Variants in NOL4L observed in about 807,000 individuals in gnomAD.
NOL4L encodes the protein nucleolar protein 4-like.
In NOL4L, 7 loss-of-function variants were observed where a neutral mutation model predicts 64.5. The observed-to-expected ratio is 0.11, with a 90% CI of 0.06 to 0.20. NOL4L has a LOEUF of 0.20. Ranked by LOEUF, NOL4L falls within the 10% of genes least tolerant of loss-of-function variation. NOL4L has a pLI of 1.00. For missense variants in NOL4L, 680 were observed against 967.1 expected, an observed-to-expected ratio of 0.70 and a Z score of 3.94; for synonymous variants, 413 against 401.0, an observed-to-expected ratio of 1.03 and a Z score of -0.36.
Position 32,447,075 on chromosome 20 carries a change from A to G in NOL4L, c.*521T>C, listed in dbSNP as rs528160943. 2 of 384,274 alleles carry G rather than the reference A, an allele frequency of 5.2e-6. No individual in the cohort carries two copies. The highest frequency in any genetic ancestry group is 4.2e-5 in the African/African-American group (2 of 47,354). The allele number at this position is 384,274 out of a possible 1,614,324, so 23.8% of individuals were successfully genotyped here. On this transcript the variant is annotated 3_prime_UTR_variant, in exon 11 of 11. Transcript: ENST00000621426. Reference sequence around the variant, plus strand: ...AGCCCACATCAGTGTAGTGATATGGAATGTTAGGTATGGGGATACATCCTT... The same window carrying G: ...AGCCCACATCAGTGTAGTGATATGGGATGTTAGGTATGGGGATACATCCTT...
chr20:32,562,576 C>T (rs1373215558), intron 1 of NOL4L, among the ~76,000 whole-genome samples: 1 of 152,100 alleles, frequency 6.6e-6, no homozygotes, highest in Non-Finnish European at 1.5e-5. Flanking sequence ...TCTCCCCAGC[C>T]CAGACTCCAG....
intron 4 of NOL4L, among the ~76,000 whole-genome samples, chr20:32,479,692 G>A (rs1263756220): frequency 6.6e-6 from 1 of 152,178 alleles, no homozygotes; most frequent in African/African-American, 2.4e-5. Flanking sequence ...CCTGAAGCCC[G>A]TGGCCTTGCC....
rs151218479 is a variant in NOL4L, at chr20:32,566,669, G to T, written c.321+17901C>A. On this transcript the variant is annotated intron_variant, in intron 1 of 10. Transcript: ENST00000621426. The stretch of plus-strand genomic sequence containing the variant: ...CAATTCCCGTATAATTTGCTCCTAC[G>T]GGGCTCTGCTCAAAATGTCACATTT... 1.5e-4 allele frequency among the ~76,000 whole-genome samples: 23 copies of T among 152,168 alleles called. No homozygotes were observed. The East Asian group carries it at 4.4e-3, about 29-fold the overall frequency.
chr20:32,560,553 G>A (rs1314833921), intron 1 of NOL4L, among the ~76,000 whole-genome samples: 2 of 152,256 alleles, frequency 1.3e-5, no homozygotes, highest in Middle Eastern at 6.3e-3. Context: ...CATTTAATAT[G>A]TGGCAGGCAC....
chr20:32,527,961 G>A (rs2018195442), intron 1 of NOL4L, 48 bp from the exon 2 acceptor site: 2 of 1,502,124 alleles, frequency 1.3e-6, no homozygotes. Flanking sequence ...TGATGGCGGG[G>A]TGAGAACTGG....
intron 1 of NOL4L, among the ~76,000 whole-genome samples, chr20:32,561,666 G>T (rs367650574): frequency 1.8e-4 from 27 of 152,276 alleles, no homozygotes; most frequent in East Asian, 1.2e-3. Context: ...GAGTGTGGAG[G>T]AGCAACAGTG....
chr20:32,483,181 G>A (rs2145498921), intron 4 of NOL4L, among the ~76,000 whole-genome samples: 1 of 128,588 alleles, frequency 7.8e-6, no homozygotes, highest in East Asian at 2.3e-4. Flanking sequence ...CCGCTCCCCC[G>A]CGCCCCCTCC....
chr20:32,535,573 C>T (rs1328976075), intron 1 of NOL4L: 1 of 985,544 alleles, frequency 1.0e-6, no homozygotes, highest in Admixed American at 6.1e-5. Context: ...TTCGCTGAAC[C>T]TCCATCTTCT....
At chr20:32,506,710 C>T (rs1296959318) in intron 4 of NOL4L, among the ~76,000 whole-genome samples, 1 of 152,186 alleles carries the variant, frequency 6.6e-6, no homozygotes, top group Non-Finnish European at 1.5e-5. Context: ...CTGGCACTAG[C>T]CCCTTCTGTT....
chr20:32,506,396 TCA>T (rs954955671), intron 4 of NOL4L, among the ~76,000 whole-genome samples: 1 of 152,004 alleles, frequency 6.6e-6, no homozygotes, highest in African/African-American at 2.4e-5. Flanking sequence ...GCACGGTGGC[TCA>T]CACTTGTAAT....
At chr20:32,562,503 G>T (rs1472559758) in intron 1 of NOL4L, among the ~76,000 whole-genome samples, 1 of 152,042 alleles carries the variant, frequency 6.6e-6, no homozygotes, top group Admixed American at 6.5e-5. Flanking sequence ...CTCTACCTGG[G>T]ACACCCACCC....
intron 4 of NOL4L, among the ~76,000 whole-genome samples, chr20:32,478,273 A>ACT (rs11469154): frequency 3.3e-4 from 48 of 143,426 alleles, no homozygotes; most frequent in Non-Finnish European, 4.9e-4. Flanking sequence ...ACACACACAC[A>ACT]CTCTCTCTCT....
chr20:32,502,047 A>C (rs2016942726), intron 4 of NOL4L, among the ~76,000 whole-genome samples: 2 of 152,232 alleles, frequency 1.3e-5, no homozygotes, highest in South Asian at 4.1e-4. Flanking sequence ...GAGGAAGGAG[A>C]AATAATAAGT....
intron 3 of NOL4L, 124 bp from the exon 4 acceptor site, chr20:32,511,580 T>C: frequency 1.6e-6 from 1 of 609,050 alleles, no homozygotes. Flanking sequence ...AGGTCAGAGG[T>C]CGCAGACTCT....
chr20:32,536,826 CG>C (rs1246424504), intron 1 of NOL4L, among the ~76,000 whole-genome samples: 12 of 4,272 alleles, frequency 2.8e-3, no homozygotes, highest in African/African-American at 7.6e-3. Flanking sequence ...ACCAACGGGG[CG>C]GGGGGGGGAC....
chr20:32,536,351 G>A (rs1406185883), intron 1 of NOL4L: 2 of 983,454 alleles, frequency 2.0e-6, no homozygotes, highest in South Asian at 4.7e-5. Flanking sequence ...AGAGCCCCAG[G>A]TGCGGGCCCC....
At chr20:32,522,772 G>A (rs894988893) in intron 2 of NOL4L, among the ~76,000 whole-genome samples, 2 of 152,210 alleles carry the variant, frequency 1.3e-5, no homozygotes, top group African/African-American at 2.4e-5. Flanking sequence ...GCTGACTTGG[G>A]CCGACAGATG....
rs568376363 is a variant in NOL4L at position 32,457,842 on chromosome 20, C to G, written c.842-1447G>C. ...TGCATCCTCGGAGTCCCGGCCCGCG[C>G]TGGCTGTCCCCGGGACCCCACAGCC... On this transcript the variant is annotated intron_variant, in intron 5 of 10. Transcript: ENST00000621426. Among the ~76,000 whole-genome samples the G allele has an allele frequency of 4.6e-5, 7 of 152,350 alleles. No homozygotes were observed. In the East Asian group the frequency reaches 1.2e-3, roughly 25 times the overall value.
chr20:32,540,845 A>T lies in NOL4L; in HGVS notation c.322-12932T>A, dbSNP rs536894859. On this transcript the variant is annotated intron_variant, in intron 1 of 10. Transcript: ENST00000621426. ...GCTCCACGCAGAACACCTGGCACAC[A>T]TTATCTCCCTGAGCCCTTGTCCAAG... is the stretch of plus-strand genomic sequence containing the variant. Among the ~76,000 whole-genome samples the T allele has an allele frequency of 5.6e-4, 85 of 151,666 alleles. 1 individual carries two copies. Among genetic ancestry groups the T allele is most frequent in the African/African-American group, 2.0e-3 (83 of 41,312 alleles).
Sources: gnomAD v4.1 joint callset for allele counts (sites outside exome capture counted in the v4.1 genomes callset) on GRCh38, gnomAD v4.1.1 for gene constraint, MANE v1.5 for transcripts, NCBI Gene and HGNC (gene_info 2026-07-23, HGNC 2026-07-21) for gene names.